The following ASTN2 variants were observed in gnomAD, a reference collection of about 807,000 sequenced individuals.
ASTN2 encodes the protein astrotactin-2.
In ASTN2, 54 loss-of-function variants were observed where a neutral mutation model predicts 139.8. The ratio of observed to expected loss-of-function variants is 0.39; its 90% CI spans 0.31 to 0.48. The LOEUF (loss-of-function observed/expected upper bound fraction) is 0.48, where lower values mean the gene tolerates loss of function less well. ASTN2 is among the 20% of genes least tolerant of loss of function. The probability of loss-of-function intolerance (pLI) is 0.95; values close to 1 mark genes in which losing one functional copy is unlikely to be tolerated. For missense variants in ASTN2, 1,565 were observed against 1,725.1 expected (o/e 0.91, Z 1.64); for synonymous variants, 756 against 719.5 (o/e 1.05, Z -0.81).
In ASTN2 at chr9:116,920,237, C is replaced by T. The variant is rs563238317; in HGVS notation, c.1889+54971G>A. ...CTCTGTCTCAGAAGCAGCCCCTCTC[C>T]CTGGTTCCCCAGTAGAGCTTCCAGG... On this transcript the variant is annotated intron_variant, in intron 10 of 22. Transcript: ENST00000313400. 5.9e-5 allele frequency among the ~76,000 whole-genome samples: 9 copies of T among 152,322 alleles called. No homozygotes were observed. The East Asian group carries it at 1.5e-3, about 26-fold the overall frequency.
At chr9:116,864,960 A>C (rs558456074) in intron 10 of ASTN2, among the ~76,000 whole-genome samples, 93 of 152,310 alleles carry the variant, frequency 6.1e-4, no homozygotes, top group Admixed American at 5.2e-4. Context: ...CCCAGTACTT[A>C]GAGAAGAAAT....
At chr9:117,088,781 G>C (rs1469320974) in intron 5 of ASTN2, among the ~76,000 whole-genome samples, 2 of 152,198 alleles carry the variant, frequency 1.3e-5, no homozygotes, top group East Asian at 3.9e-4. Flanking sequence ...ATAACTGGCT[G>C]AGCAACCTGC....
In ASTN2 at chr9:117,167,135, G is replaced by A. The variant is rs941363349; in HGVS notation, c.1016-25657C>T. The stretch of plus-strand genomic sequence containing the variant: ...AGATTAGGAAAAATACCATCAATGG[G>A]ATCTGAAAAAAACCTCAAAATACTT... On this transcript the variant is annotated intron_variant, in intron 3 of 22. Transcript: ENST00000313400. Among the ~76,000 whole-genome samples, 6 of 151,854 alleles carry A rather than the reference G, an allele frequency of 4.0e-5. No individual in the cohort carries two copies. In the East Asian group the frequency reaches 1.2e-3, roughly 29 times the overall value.
chr9:116,483,355 A>T (rs1849234154), intron 20 of ASTN2, among the ~76,000 whole-genome samples: 1 of 152,126 alleles, frequency 6.6e-6, no homozygotes, highest in African/African-American at 2.4e-5. Context: ...CTTGACTTTC[A>T]CTCCTTCATT....
chr9:116,788,267 T>C (rs543466210), intron 13 of ASTN2, among the ~76,000 whole-genome samples: 2 of 152,324 alleles, frequency 1.3e-5, no homozygotes, highest in African/African-American at 4.8e-5. Flanking sequence ...CATTGCTCAG[T>C]GTGGTGACCA....
intron 2 of ASTN2, among the ~76,000 whole-genome samples, chr9:117,252,538 G>GC (rs1833567075): frequency 1.3e-5 from 2 of 152,166 alleles, no homozygotes; most frequent in Non-Finnish European, 2.9e-5. Flanking sequence ...GGTGCTAATG[G>GC]CCCAGTGTCT....
intron 13 of ASTN2, among the ~76,000 whole-genome samples, chr9:116,800,813 G>T (rs1215292905): frequency 3.3e-5 from 5 of 152,244 alleles, no homozygotes; most frequent in South Asian, 2.1e-4. Context: ...TACAAGTAAG[G>T]TCTGAAATAG....
chr9:117,398,710 G>A (rs1464548621), intron 1 of ASTN2, among the ~76,000 whole-genome samples: 1 of 152,214 alleles, frequency 6.6e-6, no homozygotes, highest in East Asian at 1.9e-4. Flanking sequence ...TGTTTGGGTG[G>A]AGGAGAGACT....
At chr9:116,864,426 C>T (rs185726425) in intron 10 of ASTN2, among the ~76,000 whole-genome samples, 4 of 152,258 alleles carry the variant, frequency 2.6e-5, no homozygotes, top group South Asian at 2.1e-4. Flanking sequence ...CAGGGAAATA[C>T]GTGATTCCTC....
chr9:116,747,320 T>C (rs1269939932), intron 13 of ASTN2, among the ~76,000 whole-genome samples: 2 of 152,202 alleles, frequency 1.3e-5, no homozygotes, highest in African/African-American at 2.4e-5. Flanking sequence ...TTAAACACTA[T>C]GCAAAAATAT....
chr9:117,126,058 A>G (rs564968762), intron 4 of ASTN2, among the ~76,000 whole-genome samples: 2 of 152,206 alleles, frequency 1.3e-5, no homozygotes, highest in Non-Finnish European at 2.9e-5. Flanking sequence ...GTTAAATTGC[A>G]CAAAAGTTTA....
At chr9:116,514,873 G>C (rs964827830) in intron 19 of ASTN2, among the ~76,000 whole-genome samples, 4 of 152,142 alleles carry the variant, frequency 2.6e-5, no homozygotes, top group Non-Finnish European at 5.9e-5. Flanking sequence ...GGAGTGATCC[G>C]ATTTTCCAGG....
At chr9:117,216,192 A>G (rs1832313623) in intron 2 of ASTN2, among the ~76,000 whole-genome samples, 1 of 152,226 alleles carries the variant, frequency 6.6e-6, no homozygotes, top group African/African-American at 2.4e-5. Context: ...TGTTTAGACC[A>G]AGAAGAACAC....
At chr9:117,146,489 A>G (rs201907448) in intron 3 of ASTN2, among the ~76,000 whole-genome samples, 1 of 152,032 alleles carries the variant, frequency 6.6e-6, no homozygotes, top group Admixed American at 6.5e-5. Context: ...AAAAAAAAAA[A>G]AACAAGAATA....
intron 16 of ASTN2, among the ~76,000 whole-genome samples, chr9:116,718,972 G>GTATATATATATATATATATATATA (rs373217069): frequency 0.074 from 7,246 of 98,098 alleles, 1,189 homozygotes; most frequent in Non-Finnish European, 0.094. Context: ...ACCTGTATCT[G>GTATATATATATATATATATATATA]TACATATATA....
chr9:117,193,201 C>A (rs1831394215), intron 3 of ASTN2, among the ~76,000 whole-genome samples: 1 of 152,116 alleles, frequency 6.6e-6, no homozygotes, highest in South Asian at 2.1e-4. Context: ...AATGAAGGAA[C>A]AGAGGACACA....
intron 6 of ASTN2, among the ~76,000 whole-genome samples, chr9:117,033,217 A>G (rs1003812308): frequency 1.4e-4 from 21 of 152,134 alleles, no homozygotes; most frequent in Non-Finnish European, 2.8e-4. Context: ...ATCATGATTC[A>G]AACCAAACGC....
At chr9:117,035,619 G>A (rs1838363738) in intron 6 of ASTN2, among the ~76,000 whole-genome samples, 3 of 152,124 alleles carry the variant, frequency 2.0e-5, no homozygotes, top group Admixed American at 6.5e-5. Flanking sequence ...TCTGCCAAAG[G>A]TGGATAATAA....
At chr9:117,245,885 C>A (rs767910186) in intron 2 of ASTN2, among the ~76,000 whole-genome samples, 1 of 152,138 alleles carries the variant, frequency 6.6e-6, no homozygotes, top group African/African-American at 2.4e-5. Flanking sequence ...TCCAGCCACT[C>A]TTTGCCTAGG....
Sources: gnomAD v4.1 joint callset for allele counts (sites outside exome capture counted in the v4.1 genomes callset) on GRCh38, gnomAD v4.1.1 for gene constraint, MANE v1.5 for transcripts, NCBI Gene and HGNC (gene_info 2026-07-23, HGNC 2026-07-21) for gene names.